Variants in MTMR12 observed in about 807,000 individuals in gnomAD.
MTMR12 encodes the protein myotubularin-related protein 12.
Under a neutral mutation model 96.7 loss-of-function variants are expected in MTMR12, and 33 were observed. That is an observed-to-expected ratio of 0.34 (90% CI 0.26 to 0.46). The LOEUF is 0.46. Among genes scored for constraint, MTMR12 ranks in the 20% least tolerant of loss-of-function variants. MTMR12 has a pLI of 1.00. For missense variants in MTMR12, 721 were observed against 896.1 expected (o/e 0.80, Z 2.49); for synonymous variants, 298 against 327.2 (o/e 0.91, Z 0.96).
Position 32,233,692 on chromosome 5 carries a change from A to G in MTMR12, c.1674+81T>C. The G allele has an allele frequency of 1.3e-6, 2 of 1,581,750 alleles. No individual in the cohort carries two copies. The highest frequency in any genetic ancestry group is 1.1e-5 in the South Asian group (1 of 87,368). On this transcript the variant is annotated intron_variant, in intron 15 of 15. Transcript: ENST00000382142. This position sits in a 1 kb window ranked among gnomAD's most constrained non-coding sequence, Gnocchi z 5.0. Reference sequence around the variant, plus strand: ...TTCGAGGGGTAGAAAATGCTGGCAGACAGAATCCGTAAGTACCTTTTATCA... The same window carrying G: ...TTCGAGGGGTAGAAAATGCTGGCAGGCAGAATCCGTAAGTACCTTTTATCA...
rs148714307 is a variant in MTMR12 at position 32,296,440 on chromosome 5, C to T, written c.81+16318G>A. On this transcript the variant is annotated intron_variant, in intron 1 of 15. Coordinates refer to ENST00000382142, the MANE Select transcript of MTMR12 (RefSeq NM_001040446.3). Reference sequence around the variant, plus strand: ...GCTGGAGTGAGCTGAGATCACACCACTGCATTCCAGTCTGGGCAACAGAGC... The same window carrying T: ...GCTGGAGTGAGCTGAGATCACACCATTGCATTCCAGTCTGGGCAACAGAGC... 14 of 351,016 alleles carry T rather than the reference C, an allele frequency of 4.0e-5. No individual in the cohort carries two copies. In the East Asian group the frequency reaches 1.2e-3, roughly 31 times the overall value. 21.7% of individuals were successfully genotyped at this position (351,016 alleles called of 1,614,324 possible). A position where few individuals can be genotyped will look rare whatever the true frequency, so the allele number is the denominator to read the frequency against.
At chr5:32,282,992 G>C (rs10461910) in intron 1 of MTMR12, among the ~76,000 whole-genome samples, 2,238 of 152,318 alleles carry the variant, frequency 0.015, 38 homozygotes, top group East Asian at 0.071. Flanking sequence ...GGAGAGCAGA[G>C]GTGGATACCA....
intron 6 of MTMR12, among the ~76,000 whole-genome samples, chr5:32,267,736 A>G (rs73754425): frequency 0.04 from 6,125 of 152,362 alleles, 414 homozygotes; most frequent in African/African-American, 0.14. Context: ...AAGCATATTT[A>G]AACAGAAAAA....
At chr5:32,296,986 C>T (rs762376232) in intron 1 of MTMR12, among the ~76,000 whole-genome samples, 17 of 150,982 alleles carry the variant, frequency 1.1e-4, no homozygotes, top group Non-Finnish European at 2.2e-4. Flanking sequence ...GCCTGTAGTC[C>T]CAGCTACTTG....
chr5:32,228,632 C>CAT lies in MTMR12; in HGVS notation c.*1144_*1145dup, dbSNP rs1239107421. ...TCATATATATGATATATATATATCA[C>CAT]ATATATATCATATATATATCATTTA... On this transcript the variant is annotated 3_prime_UTR_variant, in exon 16 of 16. Transcript: ENST00000382142. 7.7e-6 allele frequency: 1 copy of CAT among 129,606 alleles called. No individual in the cohort carries two copies. Among genetic ancestry groups the CAT allele is most frequent in the Non-Finnish European group, 1.6e-5 (1 of 63,078 alleles). The allele number at this position is 129,606 out of a possible 1,614,324, so 8.0% of individuals were successfully genotyped here. A position where few individuals can be genotyped will look rare whatever the true frequency, so the allele number is the denominator to read the frequency against.
Position 32,228,554 on chromosome 5 carries a change from G to GTGATATATATATATCATATATATA in MTMR12, c.*1200_*1223dup, listed in dbSNP as rs1747832836. ...TATATGATATATATATCATATATATGTGATATATATATATCATATATATAT... is the reference window on the plus strand; with the variant it reads ...TATATGATATATATATCATATATATGTGATATATATATATCATATATATATGATATATATATATCATATATATAT... On this transcript the variant is annotated 3_prime_UTR_variant, in exon 16 of 16. Transcript: ENST00000382142. 1 of 122,862 alleles carries GTGATATATATATATCATATATATA rather than the reference G, an allele frequency of 8.1e-6. No homozygotes were observed. The highest frequency in any genetic ancestry group is 1.7e-5 in the Non-Finnish European group (1 of 59,834). The allele number at this position is 122,862 out of a possible 1,614,324, so 7.6% of individuals were successfully genotyped here. A position where few individuals can be genotyped will look rare whatever the true frequency, so the allele number is the denominator to read the frequency against.
intron 7 of MTMR12, among the ~76,000 whole-genome samples, chr5:32,256,522 G>C (rs527602760): frequency 1.3e-5 from 2 of 152,282 alleles, no homozygotes; most frequent in Admixed American, 6.5e-5. Flanking sequence ...TTAAGTAGTA[G>C]GACATGGTAG....
At chr5:32,282,460 T>TAAATA (rs933314143) in intron 1 of MTMR12, among the ~76,000 whole-genome samples, 3 of 147,902 alleles carry the variant, frequency 2.0e-5, no homozygotes, top group African/African-American at 7.5e-5. Flanking sequence ...AATAAATAAA[T>TAAATA]AAATAAAATA....
At chr5:32,276,775 G>C (rs1344692600) in intron 1 of MTMR12, 33 bp from the exon 2 acceptor site, 1 of 1,484,998 alleles carries the variant, frequency 6.7e-7, no homozygotes, top group Non-Finnish European at 9.2e-7. Context: ...ATTTTTCTTT[G>C]TTTAAGGGTT....
chr5:32,250,306 G>C (rs1276297932), intron 8 of MTMR12, among the ~76,000 whole-genome samples: 13 of 152,202 alleles, frequency 8.5e-5, no homozygotes, highest in African/African-American at 2.7e-4. Flanking sequence ...CTGCTGCAGT[G>C]GGGGAGCTGA....
chr5:32,228,532 A>ATGATATATATATCATATATATG lies in MTMR12; in HGVS notation c.*1224_*1245dup, dbSNP rs1439756274. The ATGATATATATATCATATATATG allele has an allele frequency of 7.1e-6, 1 of 140,904 alleles. No individual in the cohort carries two copies. The highest frequency in any genetic ancestry group is 1.5e-5 in the Non-Finnish European group (1 of 66,542). 8.7% of individuals were successfully genotyped at this position (140,904 alleles called of 1,614,324 possible). ...ATTAAAAAAAATATATATCATATAT[A>ATGATATATATATCATATATATG]TGATATATATATCATATATATGTGA... On this transcript the variant is annotated 3_prime_UTR_variant, in exon 16 of 16. Transcript: ENST00000382142.
intron 14 of MTMR12, among the ~76,000 whole-genome samples, chr5:32,234,152 C>T (rs544427880): frequency 3.3e-5 from 5 of 152,308 alleles, no homozygotes; most frequent in Admixed American, 6.5e-5. Context: ...GCAGTCTACA[C>T]GCCAGCCGCT....
At chr5:32,276,306 T>C (rs949642843) in intron 2 of MTMR12, among the ~76,000 whole-genome samples, 2 of 152,216 alleles carry the variant, frequency 1.3e-5, no homozygotes, top group African/African-American at 4.8e-5. Context: ...CACCCACCAA[T>C]GGTTGCCTTG....
At chr5:32,300,448 A>G (rs767443770) in intron 1 of MTMR12, among the ~76,000 whole-genome samples, 1 of 152,110 alleles carries the variant, frequency 6.6e-6, no homozygotes, top group African/African-American at 2.4e-5. Context: ...ATGCTATGGC[A>G]CCTTGTTTCC....
Position 32,274,110 on chromosome 5 carries a change from A to C in MTMR12, c.155T>G (p.Leu52Arg). 1 of 1,614,190 alleles carries C rather than the reference A, an allele frequency of 6.2e-7. No individual in the cohort carries two copies. The highest frequency in any genetic ancestry group is 8.5e-7 in the Non-Finnish European group (1 of 1,180,024). Residue 52 changes from leucine to arginine, a missense_variant, in exon 3 of 16, where the codon CTT becomes CGT. Coordinates refer to ENST00000382142, the MANE Select transcript of MTMR12 (RefSeq NM_001040446.3). The part of the protein sequence containing the change: ...TLHLLPGEQL[L>R]CEASTVLKYV... ...CTTCAGTACTGTGCTGGCTTCACAA[A>C]GCAGCTGTTCACCTGGTAGAAACCA...
chr5:32,281,260 AAAAAC>A (rs1352708026), intron 1 of MTMR12, among the ~76,000 whole-genome samples: 7 of 150,340 alleles, frequency 4.7e-5, no homozygotes, highest in African/African-American at 1.7e-4. Flanking sequence ...AAAAAAAAAA[AAAAAC>A]AAAAAAAACT....
chr5:32,244,193 C>T (rs548251443), intron 10 of MTMR12, among the ~76,000 whole-genome samples: 1 of 151,816 alleles, frequency 6.6e-6, no homozygotes, highest in African/African-American at 2.4e-5. Context: ...GCAGGAAGAT[C>T]ACTTGAGGCC....
At position 32,276,676 on chromosome 5, in the gene MTMR12, A is replaced by T; in HGVS notation, c.142+6T>A. The T allele has an allele frequency of 6.2e-7, 1 of 1,612,414 alleles. No homozygotes were observed. Among genetic ancestry groups the T allele is most frequent in the African/African-American group, 1.3e-5 (1 of 75,002 alleles). On this transcript the variant is annotated splice_donor_region_variant and intron_variant, in intron 2 of 15. Coordinates refer to ENST00000382142, the MANE Select transcript of MTMR12 (RefSeq NM_001040446.3). ...ATAGGAGTTACTATGCTAACATGAC[A>T]GTTACCTGGCAACAAGTGAAGAGTT...
chr5:32,264,487 G>A (rs142638919), intron 6 of MTMR12, among the ~76,000 whole-genome samples: 2,111 of 150,676 alleles, frequency 0.014, 58 homozygotes, highest in African/African-American at 0.049. Context: ...TTGAGACGGA[G>A]TCTCGCTCTT....
Sources: allele counts gnomAD v4.1 joint callset (sites outside exome capture counted in the v4.1 genomes callset), GRCh38; gene constraint gnomAD v4.1.1; non-coding constraint Gnocchi (gnomAD v3.1); transcripts MANE v1.5; gene names NCBI Gene and HGNC (gene_info 2026-07-23, HGNC 2026-07-21).